Variants in PXDNL observed in about 807,000 individuals in gnomAD.
PXDNL encodes probable oxidoreductase PXDNL.
Under a neutral mutation model 150.8 loss-of-function variants are expected in PXDNL, and 145 were observed. The ratio of observed to expected loss-of-function variants is 0.96; its 90% CI spans 0.84 to 1.10. The LOEUF is 1.10. PXDNL is among the 50% of genes least tolerant of loss of function. The pLI is 0.00. For missense variants in PXDNL, 2,087 were observed against 1,873.9 expected (o/e 1.11, Z -2.10); for synonymous variants, 757 against 725.7 (o/e 1.04, Z -0.69).
At position 51,409,534 on chromosome 8, in the gene PXDNL, G is replaced by T. The variant is rs374573903; in HGVS notation, c.2090C>A (p.Pro697Gln). The change falls in exon 17 of 23, where the codon CCG becomes CAG. Residue 697 changes from proline to glutamine, a missense_variant. By Grantham distance (76) the Pro-to-Gln change is moderately conservative. Coordinates refer to ENST00000356297, the MANE Select transcript of PXDNL (RefSeq NM_144651.5). The part of the protein sequence containing the change: ...KEFRYNDLVS[P>Q]RSLSLIANLS... ...ATTGGCGATGAGGCTGAGGGAGCGC[G>T]GGGACACCAAGTCATTGTACCGGAA... is the stretch of plus-strand genomic sequence containing the variant. 11 of 1,599,974 alleles carry T rather than the reference G, an allele frequency of 6.9e-6. No homozygotes were observed. In the African/African-American group the frequency reaches 1.2e-4, roughly 18 times the overall value.
At chr8:51,791,467 T>C (rs532703743) in intron 1 of PXDNL, among the ~76,000 whole-genome samples, 1 of 152,240 alleles carries the variant, frequency 6.6e-6, no homozygotes, top group African/African-American at 2.4e-5. Context: ...GGTCACGAAA[T>C]GAAAAGCCAT....
At chr8:51,499,305 A>G (rs1038582932) in intron 5 of PXDNL, among the ~76,000 whole-genome samples, 2 of 151,954 alleles carry the variant, frequency 1.3e-5, no homozygotes. Context: ...ACTTTTTTGT[A>G]TTTTTAGCAG....
intron 19 of PXDNL, among the ~76,000 whole-genome samples, chr8:51,351,198 G>A (rs191091793): frequency 1.2e-4 from 19 of 152,314 alleles, no homozygotes; most frequent in Admixed American, 3.3e-4. Context: ...GGATTGCTGT[G>A]TATTCCCTCA....
At chr8:51,508,074 G>A (rs1811330228) in intron 4 of PXDNL, among the ~76,000 whole-genome samples, 1 of 152,172 alleles carries the variant, frequency 6.6e-6, no homozygotes, top group Non-Finnish European at 1.5e-5. Flanking sequence ...GAAGCAAAGT[G>A]AGGAAGACCC....
Position 51,791,983 on chromosome 8 carries a change from CA to C in PXDNL, c.164+17197del, listed in dbSNP as rs535031701. Reference sequence around the variant, plus strand: ...GAATCTGTTACCCTTCTTTTGCATTCAAAAAATTCAAAGAAATATTAAAAGA... The same window carrying C: ...GAATCTGTTACCCTTCTTTTGCATTCAAAAATTCAAAGAAATATTAAAAGA... On this transcript the variant is annotated intron_variant, in intron 1 of 22. Coordinates refer to ENST00000356297, the MANE Select transcript of PXDNL (RefSeq NM_144651.5). 1.3e-3 allele frequency among the ~76,000 whole-genome samples: 194 copies of C among 151,436 alleles called. 1 individual carries two copies. Among genetic ancestry groups the C allele is most frequent in the African/African-American group, 4.5e-3 (184 of 41,236 alleles).
At chr8:51,757,318 C>A (rs1051768961) in intron 1 of PXDNL, among the ~76,000 whole-genome samples, 1 of 152,146 alleles carries the variant, frequency 6.6e-6, no homozygotes, top group African/African-American at 2.4e-5. Flanking sequence ...CTCCTGACAT[C>A]GAGGATTGAA....
Position 51,339,699 on chromosome 8 carries a change from T to C in PXDNL, c.4071A>G (p.Ala1357=), listed in dbSNP as rs757661028. The change falls in exon 21 of 23, where the codon GCA becomes GCG. Residue 1357 remains alanine, a synonymous_variant. Transcript: ENST00000356297. ...GEDARNVTVL[A]KTKFSQDFST... is the part of the protein sequence containing the mutation. Reference sequence around the variant, plus strand: ...TGAAATCTTGGGAGAACTTTGTTTTTGCCAGAACTGTCACATTTCTAGCAT... The same window carrying C: ...TGAAATCTTGGGAGAACTTTGTTTTCGCCAGAACTGTCACATTTCTAGCAT... The C allele has an allele frequency of 7.4e-6, 12 of 1,613,698 alleles. No individual in the cohort carries two copies. The highest frequency in any genetic ancestry group is 9.3e-6 in the Non-Finnish European group (11 of 1,179,720).
chr8:51,603,089 T>G (rs1399510747), intron 2 of PXDNL, among the ~76,000 whole-genome samples: 1 of 151,924 alleles, frequency 6.6e-6, no homozygotes, highest in Non-Finnish European at 1.5e-5. Context: ...TATGCAATAT[T>G]AATGTAATTA....
intron 1 of PXDNL, among the ~76,000 whole-genome samples, chr8:51,767,690 A>G (rs1232590483): frequency 6.6e-6 from 1 of 152,064 alleles, no homozygotes; most frequent in Non-Finnish European, 1.5e-5. Flanking sequence ...GGTCTTCTAG[A>G]TCCCCTGGAA....
Position 51,345,878 on chromosome 8 carries a change from C to T in PXDNL, c.3971G>A (p.Ser1324Asn). The change falls in exon 20 of 23, where the codon AGC becomes AAC. Residue 1324 changes from serine (S) to asparagine (N), a missense_variant. Ser to Asn is a conservative substitution (Grantham distance 46). Transcript: ENST00000356297. ...CTCCATATCCTTATCAACAGGATAG[C>T]TGTATTGAGCTGAGCGTTTCTTTTG... The part of the protein sequence containing the change: ...ESQKKRSAQY[S>N]YPVDKDMELS... 6.2e-7 allele frequency: 1 copy of T among 1,613,550 alleles called. No individual in the cohort carries two copies. Among genetic ancestry groups the T allele is most frequent in the Non-Finnish European group, 8.5e-7 (1 of 1,179,502 alleles).
At chr8:51,770,476 T>C (rs1292288418) in intron 1 of PXDNL, among the ~76,000 whole-genome samples, 2 of 152,200 alleles carry the variant, frequency 1.3e-5, no homozygotes, top group Non-Finnish European at 2.9e-5. Flanking sequence ...AGGAGTTTTT[T>C]CCTCCGGTTT....
intron 2 of PXDNL, among the ~76,000 whole-genome samples, chr8:51,647,669 A>G (rs1228289222): frequency 6.6e-6 from 1 of 152,184 alleles, no homozygotes; most frequent in African/African-American, 2.4e-5. Flanking sequence ...TGTCAAGGAA[A>G]GATCTACCAC....
intron 12 of PXDNL, among the ~76,000 whole-genome samples, chr8:51,445,791 C>T (rs1809658222): frequency 1.3e-5 from 2 of 152,150 alleles, no homozygotes. Context: ...TAGTTGAACA[C>T]CAATTCAAAA....
chr8:51,450,719 G>A (rs1257436705), intron 10 of PXDNL, among the ~76,000 whole-genome samples: 2 of 152,118 alleles, frequency 1.3e-5, no homozygotes, highest in Non-Finnish European at 1.5e-5. Flanking sequence ...ATGCCTGCAA[G>A]CTATTTGTAA....
chr8:51,480,088 A>G (rs1372660886), intron 6 of PXDNL, among the ~76,000 whole-genome samples: 2 of 152,188 alleles, frequency 1.3e-5, no homozygotes, highest in African/African-American at 2.4e-5. Flanking sequence ...TCTGGGCACA[A>G]ATAGGGGCCT....
intron 5 of PXDNL, among the ~76,000 whole-genome samples, chr8:51,494,825 A>C (rs1447569905): frequency 1.3e-5 from 2 of 151,894 alleles, no homozygotes; most frequent in Non-Finnish European, 2.9e-5. Context: ...CCACACAATA[A>C]TAATGGGAGA....
chr8:51,336,980 T>C (rs1342845271), intron 21 of PXDNL, among the ~76,000 whole-genome samples: 1 of 152,196 alleles, frequency 6.6e-6, no homozygotes, highest in African/African-American at 2.4e-5. Context: ...ACAAAGAAAC[T>C]GGCTATTTTT....
intron 1 of PXDNL, among the ~76,000 whole-genome samples, chr8:51,736,743 T>C (rs921116917): frequency 6.6e-6 from 1 of 152,238 alleles, no homozygotes; most frequent in Non-Finnish European, 1.5e-5. Flanking sequence ...ATAAGGGCAG[T>C]TGTAAAGAAT....
chr8:51,516,658 A>G (rs1221512716), intron 4 of PXDNL, among the ~76,000 whole-genome samples: 1 of 152,226 alleles, frequency 6.6e-6, no homozygotes, highest in Non-Finnish European at 1.5e-5. Context: ...GAGATGAGAC[A>G]TACAAAGAAA....
Sources: gnomAD v4.1 joint callset for allele counts (sites outside exome capture counted in the v4.1 genomes callset) on GRCh38, gnomAD v4.1.1 for gene constraint, MANE v1.5 for transcripts, NCBI Gene and HGNC (gene_info 2026-07-23, HGNC 2026-07-21) for gene names.